Variants in SMC1B observed in about 807,000 individuals in gnomAD.
SMC1B encodes the protein structural maintenance of chromosomes protein 1B.
SMC1B carries 60 observed loss-of-function variants against 157.9 expected under a neutral mutation model. The observed-to-expected ratio is 0.38, with a 90% confidence interval of 0.31 to 0.47. SMC1B has a LOEUF of 0.47. Among genes scored for constraint, SMC1B ranks in the 20% least tolerant of loss-of-function variants. The pLI is 0.99. For missense variants in SMC1B, 1,165 were observed against 1,426.2 expected (o/e 0.82, Z 2.95); for synonymous variants, 445 against 483.0 (o/e 0.92, Z 1.03).
chr22:45,365,482 A>T (rs2086766802), intron 15 of SMC1B, among the ~76,000 whole-genome samples: 1 of 152,140 alleles, frequency 6.6e-6, no homozygotes, highest in Non-Finnish European at 1.5e-5. Flanking sequence ...AGGTTGGCAG[A>T]TCGCTTGATC....
chr22:45,352,658 C>T, intron 21 of SMC1B, 56 bp from the exon 22 acceptor site: 2 of 1,530,928 alleles, frequency 1.3e-6, no homozygotes, highest in Non-Finnish European at 1.8e-6. Context: ...TAAAGTTCAA[C>T]TTGGAGTTTA....
chr22:45,395,814 G>A (rs1475135080), intron 7 of SMC1B, among the ~76,000 whole-genome samples: 2 of 152,162 alleles, frequency 1.3e-5, no homozygotes, highest in Admixed American at 6.5e-5. Context: ...CCGAGATCGC[G>A]TCATTGCACT....
intron 12 of SMC1B, among the ~76,000 whole-genome samples, chr22:45,373,571 CAGTAAGG>C (rs1180186231): frequency 1.3e-5 from 2 of 152,210 alleles, no homozygotes; most frequent in African/African-American, 4.8e-5. Flanking sequence ...AGTCCACAGG[CAGTAAGG>C]TTTGTTTTGG....
intron 1 of SMC1B, among the ~76,000 whole-genome samples, chr22:45,410,445 G>A (rs2087318852): frequency 6.6e-6 from 1 of 152,148 alleles, no homozygotes; most frequent in Non-Finnish European, 1.5e-5. Context: ...GCTCACACCT[G>A]TAATCCCAGC....
At chr22:45,413,219 G>A (rs940487292) in intron 1 of SMC1B, among the ~76,000 whole-genome samples, 2 of 151,926 alleles carry the variant, frequency 1.3e-5, no homozygotes, top group African/African-American at 4.8e-5. Flanking sequence ...CTCCGAGGTG[G>A]GGCGGAGGGA....
intron 2 of SMC1B, among the ~76,000 whole-genome samples, chr22:45,407,661 C>G (rs1305640237): frequency 6.6e-6 from 1 of 152,130 alleles, no homozygotes; most frequent in African/African-American, 2.4e-5. Context: ...GTTTCCCAGG[C>G]TGGTCTCAAA....
At position 45,396,494 on chromosome 22, in the gene SMC1B, A is replaced by C; in HGVS notation, c.1114-8T>G. The C allele has an allele frequency of 6.2e-7, 1 of 1,601,644 alleles. No individual in the cohort carries two copies. The highest frequency in any genetic ancestry group is 8.5e-7 in the Non-Finnish European group (1 of 1,175,286). Reference sequence around the variant, plus strand: ...TTCTTTATAACGATCCAGCTGCATAAACAGTATTGAAAAATTGCTAATTCA... The same window carrying C: ...TTCTTTATAACGATCCAGCTGCATACACAGTATTGAAAAATTGCTAATTCA... On this transcript the variant is annotated splice_region_variant and splice_polypyrimidine_tract_variant and intron_variant, in intron 6 of 24. Coordinates refer to ENST00000357450, the MANE Select transcript of SMC1B (RefSeq NM_148674.5).
Position 45,383,582 on chromosome 22 carries a change from T to C in SMC1B, c.1943A>G (p.Lys648Arg), listed in dbSNP as rs1247546066. 6.3e-7 allele frequency: 1 copy of C among 1,599,940 alleles called. No individual in the cohort carries two copies. The highest frequency in any genetic ancestry group is 2.2e-5 in the East Asian group (1 of 44,544). Residue 648 changes from lysine to arginine, a missense_variant, in exon 12 of 25, where the codon AAA (lysine) becomes AGA (arginine). Physicochemically the swap from Lys to Arg is conservative, Grantham distance 26. Transcript: ENST00000357450. ...TGACCCTCCAGAGATCACTCCAGAT[T>C]TTAAAAATAATGTTCCATCAAGAGC... ...TVALDGTLFL[K>R]SGVISGGSSD...
Position 45,371,506 on chromosome 22 carries a change from G to A in SMC1B, c.2278C>T (p.Arg760Ter), listed in dbSNP as rs764800562. The change falls in exon 14 of 25, where the codon CGA becomes TGA. Residue 760 changes from arginine (R) to a stop codon, truncating the protein, a stop_gained. Transcript: ENST00000357450. LOFTEE classifies it high-confidence loss of function. Reference protein sequence around the residue: ...MLSEGIKERQRRIKEFQEKID... With the variant: ...MLSEGIKERQ Reference sequence around the variant, plus strand: ...TTTTCTTGAAATTCTTTAATTCTTCGTTGTCGTTCCTTGATTCCTTCACTC... The same window carrying A: ...TTTTCTTGAAATTCTTTAATTCTTCATTGTCGTTCCTTGATTCCTTCACTC... The A allele has an allele frequency of 3.1e-6, 5 of 1,597,306 alleles. No homozygotes were observed. The highest frequency in any genetic ancestry group is 1.8e-5 in the Admixed American group (1 of 57,080).
At chr22:45,366,547 CAA>C (rs1384430630) in intron 15 of SMC1B, among the ~76,000 whole-genome samples, 1 of 152,064 alleles carries the variant, frequency 6.6e-6, no homozygotes, top group East Asian at 1.9e-4. Context: ...ATTAATTCAT[CAA>C]AAAGACAGTG....
At chr22:45,384,525 G>A (rs1326212705) in intron 11 of SMC1B, among the ~76,000 whole-genome samples, 1 of 152,068 alleles carries the variant, frequency 6.6e-6, no homozygotes, top group Non-Finnish European at 1.5e-5. Context: ...TTTGAGACGA[G>A]CCTGGCCAAC....
At position 45,353,919 on chromosome 22, in the gene SMC1B, AACAAC is replaced by A. The variant is rs1306019413; in HGVS notation, c.3273+54_3273+58del. The A allele has an allele frequency of 5.6e-5, 48 of 858,570 alleles. No individual in the cohort carries two copies. The African/African-American group carries it at 6.4e-4, about 11-fold the overall frequency. 53.2% of individuals were successfully genotyped at this position (858,570 alleles called of 1,614,324 possible). A position where few individuals can be genotyped will look rare whatever the true frequency, so the allele number is the denominator to read the frequency against. On this transcript the variant is annotated intron_variant, in intron 21 of 24. Transcript: ENST00000357450. ...AAAAAAAAAAAAAAAAAAAAAAAAA[AACAAC>A]CACCACCGGTAACACAGAATTCTCA...
intron 10 of SMC1B, among the ~76,000 whole-genome samples, chr22:45,389,442 G>C (rs1231503585): frequency 6.6e-6 from 1 of 152,204 alleles, no homozygotes; most frequent in Non-Finnish European, 1.5e-5. Flanking sequence ...CTAATAGGTA[G>C]AGTGGTGCAC....
intron 8 of SMC1B, 122 bp downstream of exon 8, chr22:45,394,563 G>A (rs1303143010): frequency 2.5e-6 from 3 of 1,183,750 alleles, no homozygotes; most frequent in Non-Finnish European, 3.2e-6. Context: ...GTGAGCCCCG[G>A]AAGTTGAGGC....
intron 13 of SMC1B, 62 bp from the exon 14 acceptor site, chr22:45,371,649 A>C (rs548827049): frequency 4.6e-6 from 7 of 1,516,024 alleles, no homozygotes; most frequent in South Asian, 2.6e-5. Flanking sequence ...AGTGAAGCCA[A>C]AAATGTGATA....
chr22:45,344,674 A>G lies in SMC1B; in HGVS notation c.3607-17T>C, dbSNP rs1270558510. On this transcript the variant is annotated splice_polypyrimidine_tract_variant and intron_variant, in intron 24 of 24. Coordinates refer to ENST00000357450, the MANE Select transcript of SMC1B (RefSeq NM_148674.5). ...GTCATCGTACTAAAATGGAGAGAAG[A>G]CAGTTAAAAGTTCCCCTAATTAGGG... The G allele has an allele frequency of 3.1e-6, 5 of 1,590,086 alleles. No homozygotes were observed. The highest frequency in any genetic ancestry group is 3.5e-6 in the Non-Finnish European group (4 of 1,158,366).
chr22:45,351,930 A>G (rs1337322753), intron 22 of SMC1B, among the ~76,000 whole-genome samples: 2 of 152,256 alleles, frequency 1.3e-5, no homozygotes, highest in Admixed American at 6.5e-5. Context: ...AAATACTTCA[A>G]CATTCTTTAC....
At position 45,404,589 on chromosome 22, in the gene SMC1B, G is replaced by C. The variant is rs373511753; in HGVS notation, c.615+1871C>G. On this transcript the variant is annotated intron_variant, in intron 4 of 24. Coordinates refer to ENST00000357450, the MANE Select transcript of SMC1B (RefSeq NM_148674.5). ...ACAAGAACATTGGTCTCTACAATCC[G>C]TTATCTTAATCCAGACATTTCCTTT... Among the ~76,000 whole-genome samples, 3 of 152,148 alleles carry C rather than the reference G, an allele frequency of 2.0e-5. No individual in the cohort carries two copies. The South Asian group carries it at 6.2e-4, about 32-fold the overall frequency.
At chr22:45,409,604 AT>A (rs1255876961) in intron 1 of SMC1B, among the ~76,000 whole-genome samples, 13 of 81,046 alleles carry the variant, frequency 1.6e-4, no homozygotes, top group South Asian at 4.8e-4. Flanking sequence ...AAATAAATAA[AT>A]AAATAAAAAC....
Sources: gnomAD v4.1 joint callset for allele counts (sites outside exome capture counted in the v4.1 genomes callset) on GRCh38, gnomAD v4.1.1 for gene constraint, MANE v1.5 for transcripts, NCBI Gene and HGNC (gene_info 2026-07-23, HGNC 2026-07-21) for gene names.